Variants in COMMD1 observed in about 807,000 individuals in gnomAD.
The protein encoded by COMMD1 is COMM domain-containing protein 1.
Under a neutral mutation model 17.2 loss-of-function variants are expected in COMMD1, and 10 were observed. The observed-to-expected ratio is 0.58, with a 90% CI of 0.36 to 0.99. COMMD1 has a LOEUF of 0.99. Ranked by LOEUF, COMMD1 falls within the 50% of genes least tolerant of loss-of-function variation. The pLI, the probability that COMMD1 is intolerant of heterozygous loss-of-function variation, is 0.01. For synonymous variants in COMMD1, 97 were observed against 91.6 expected (o/e 1.06, Z -0.34); for missense variants, 270 against 231.8 (o/e 1.17, Z -1.07).
chr2:61,889,781 C>G (rs1172193577), intron 1 of COMMD1, among the ~76,000 whole-genome samples: 6 of 152,156 alleles, frequency 3.9e-5, no homozygotes, highest in African/African-American at 1.4e-4. Context: ...TTGTTCTACA[C>G]TAGTGTCTCC....
intron 1 of COMMD1, among the ~76,000 whole-genome samples, chr2:61,935,687 C>T (rs542839243): frequency 3.9e-5 from 6 of 152,120 alleles, no homozygotes; most frequent in Non-Finnish European, 5.9e-5. Flanking sequence ...CACTTAGTGC[C>T]GTGGTTCCAG....
At chr2:61,987,185 G>A (rs773070993) in intron 1 of COMMD1, among the ~76,000 whole-genome samples, 6 of 151,950 alleles carry the variant, frequency 3.9e-5, no homozygotes, top group Non-Finnish European at 7.4e-5. Context: ...ATTGTTCCCC[G>A]GAGCTTTATT....
intron 1 of COMMD1, among the ~76,000 whole-genome samples, chr2:61,945,447 G>C (rs1215392866): frequency 6.6e-6 from 1 of 152,212 alleles, no homozygotes; most frequent in East Asian, 1.9e-4. Context: ...CTCTTGGTTT[G>C]AGAGTAAAGA....
At chr2:61,937,050 A>G (rs1311907969) in intron 1 of COMMD1, among the ~76,000 whole-genome samples, 1 of 152,136 alleles carries the variant, frequency 6.6e-6, no homozygotes, top group Non-Finnish European at 1.5e-5. Flanking sequence ...TCAGATTGGT[A>G]ATTGGTTGAA....
At chr2:62,013,394 C>T (rs1037510971) in intron 2 of COMMD1, among the ~76,000 whole-genome samples, 1 of 152,218 alleles carries the variant, frequency 6.6e-6, no homozygotes, top group African/African-American at 2.4e-5. Flanking sequence ...TTTACATGGA[C>T]TTCTCACAAT....
chr2:61,932,557 T>C (rs527382132), intron 1 of COMMD1, among the ~76,000 whole-genome samples: 1 of 152,366 alleles, frequency 6.6e-6, no homozygotes, highest in African/African-American at 2.4e-5. Context: ...TTTGAGTGTG[T>C]TCTCCAGATT....
At chr2:62,081,832 A>G (rs552183255) in intron 2 of COMMD1, among the ~76,000 whole-genome samples, 20 of 152,182 alleles carry the variant, frequency 1.3e-4, no homozygotes, top group African/African-American at 4.3e-4. Flanking sequence ...AAAAATTTCA[A>G]TTTGTATATA....
chr2:62,084,737 T>C (rs1481732535), intron 2 of COMMD1: 1 of 152,240 alleles, frequency 6.6e-6, no homozygotes, highest in Non-Finnish European at 1.5e-5. Flanking sequence ...CTAGTCTTAG[T>C]AGTATTCTTT....
At chr2:61,970,500 G>A (rs528584012) in intron 1 of COMMD1, among the ~76,000 whole-genome samples, 98 of 152,044 alleles carry the variant, frequency 6.4e-4, no homozygotes, top group Non-Finnish European at 1.2e-3. Flanking sequence ...CTTATAATAC[G>A]TAAAACAACA....
At chr2:62,095,254 C>G (rs36115933) in intron 2 of COMMD1, among the ~76,000 whole-genome samples, 13,100 of 152,132 alleles carry the variant, frequency 0.086, 732 homozygotes, top group Non-Finnish European at 0.12. Context: ...CAAAAATATG[C>G]GAAACATTCA....
chr2:62,093,163 T>C (rs1293420793), intron 2 of COMMD1, among the ~76,000 whole-genome samples: 2 of 152,190 alleles, frequency 1.3e-5, no homozygotes, highest in African/African-American at 4.8e-5. Flanking sequence ...ATCTTTCTAC[T>C]CAATGAGAAA....
chr2:61,952,914 G>C (rs1461942898), intron 1 of COMMD1, among the ~76,000 whole-genome samples: 1 of 152,220 alleles, frequency 6.6e-6, no homozygotes, highest in African/African-American at 2.4e-5. Flanking sequence ...TAAACTGCAG[G>C]AGTGATGGTG....
At chr2:62,008,118 T>C in intron 2 of COMMD1, among the ~76,000 whole-genome samples, 1 of 152,136 alleles carries the variant, frequency 6.6e-6, no homozygotes, top group Non-Finnish European at 1.5e-5. Context: ...GAGGCTGCAG[T>C]GAGCTGTGAT....
chr2:61,976,799 G>A (rs973256345), intron 1 of COMMD1, among the ~76,000 whole-genome samples: 3 of 151,960 alleles, frequency 2.0e-5, no homozygotes, highest in Non-Finnish European at 2.9e-5. Flanking sequence ...ATTGGTTCAT[G>A]CATTGTAACA....
intron 1 of COMMD1, among the ~76,000 whole-genome samples, chr2:61,956,467 T>A (rs577725732): frequency 6.6e-6 from 1 of 152,018 alleles, no homozygotes; most frequent in East Asian, 1.9e-4. Context: ...TGGAGTGCAG[T>A]GGCGTGATCT....
intron 2 of COMMD1, among the ~76,000 whole-genome samples, chr2:62,101,367 T>G (rs542826452): frequency 6.6e-6 from 1 of 152,240 alleles, no homozygotes; most frequent in East Asian, 1.9e-4. Context: ...CCTAGCACTT[T>G]GGAAGGCCGA....
chr2:61,917,416 C>T (rs572257575), intron 1 of COMMD1, among the ~76,000 whole-genome samples: 140 of 150,950 alleles, frequency 9.3e-4, no homozygotes, highest in Non-Finnish European at 1.8e-3. Flanking sequence ...GTTTACTATG[C>T]GTTAGTGATG....
chr2:62,102,134 C>T (rs758499917), intron 2 of COMMD1, among the ~76,000 whole-genome samples: 24 of 152,298 alleles, frequency 1.6e-4, no homozygotes, highest in Non-Finnish European at 3.1e-4. Flanking sequence ...AAACCATAAA[C>T]AAAGACCATA....
At chr2:62,042,491 C>T (rs984893037) in intron 2 of COMMD1, among the ~76,000 whole-genome samples, 113 of 152,188 alleles carry the variant, frequency 7.4e-4, no homozygotes, top group African/African-American at 2.3e-3. Context: ...GCTTGTGCCC[C>T]GATCAAGCCC....
Sources: gnomAD v4.1 joint callset for allele counts (sites outside exome capture counted in the v4.1 genomes callset) on GRCh38, gnomAD v4.1.1 for gene constraint, MANE v1.5 for transcripts, NCBI Gene and HGNC (gene_info 2026-07-23, HGNC 2026-07-21) for gene names.